Variants in LIPH observed in about 807,000 individuals in gnomAD.
LIPH encodes the protein lipase member H.
A neutral mutation model predicts 47.6 loss-of-function variants in LIPH; 32 were observed. The observed-to-expected ratio is 0.67, with a 90% CI of 0.51 to 0.90. LIPH has a LOEUF of 0.90. Among genes scored for constraint, LIPH ranks in the 40% least tolerant of loss-of-function variants. LIPH has a pLI of 0.00. For missense variants in LIPH, 497 were observed against 541.4 expected, an observed-to-expected ratio of 0.92 and a Z score of 0.81; for synonymous variants, 190 against 195.6, an observed-to-expected ratio of 0.97 and a Z score of 0.24.
chr3:185,511,752 C>T (rs190557965), intron 8 of LIPH, 55 bp from the exon 9 acceptor site: 1 of 1,325,208 alleles, frequency 7.5e-7, no homozygotes, highest in Non-Finnish European at 1.1e-6. Context: ...TGAGAGAAAG[C>T]AGTTTTGAAG....
chr3:185,546,832 A>T (rs1720887369), intron 1 of LIPH: 1 of 397,418 alleles, frequency 2.5e-6, no homozygotes, highest in South Asian at 1.9e-5. Context: ...AAACAAAAAA[A>T]GCCTGTGCTG....
Position 185,520,430 on chromosome 3 carries a change from T to A in LIPH, c.719-1121A>T, listed in dbSNP as rs542677376. ...TACTTGGGAGGCTGAGGCAGGAGAA[T>A]CGCTTGAACCTGGAAGGCGGAGGTT... is the stretch of plus-strand genomic sequence containing the variant. On this transcript the variant is annotated intron_variant, in intron 5 of 9. Transcript: ENST00000296252. Among the ~76,000 whole-genome samples the A allele has an allele frequency of 7.3e-4, 110 of 151,218 alleles. 2 individuals are homozygous for A. The East Asian group carries it at 0.018, about 25-fold the overall frequency.
In LIPH at chr3:185,533,979, C is replaced by T. The variant is rs571456314; in HGVS notation, c.418-300G>A. On this transcript the variant is annotated intron_variant, in intron 2 of 9. Transcript: ENST00000296252. ...TGGCCCACGCTTGTAATCCCAGCCC[C>T]GTGGGAGGCCGAGGCGGGCAGATCA... 8.5e-5 allele frequency among the ~76,000 whole-genome samples: 13 copies of T among 152,280 alleles called. No homozygotes were observed. The South Asian group carries it at 2.3e-3, about 27-fold the overall frequency.
At chr3:185,551,723 G>T (rs74900006) in intron 1 of LIPH, among the ~76,000 whole-genome samples, 7,299 of 151,978 alleles carry the variant, frequency 0.048, 288 homozygotes, top group East Asian at 0.24. Flanking sequence ...TTTACCCTTT[G>T]CCCTTCAAAA....
chr3:185,548,035 C>G (rs1399987582), intron 1 of LIPH, among the ~76,000 whole-genome samples: 1 of 152,164 alleles, frequency 6.6e-6, no homozygotes, highest in Non-Finnish European at 1.5e-5. Context: ...AGACACTGTT[C>G]TGAAGGAATT....
intron 1 of LIPH, among the ~76,000 whole-genome samples, chr3:185,548,673 G>A (rs1720957797): frequency 1.3e-5 from 2 of 152,118 alleles, no homozygotes; most frequent in Admixed American, 1.3e-4. Flanking sequence ...GCTACAGTGA[G>A]CCAAGATCGT....
chr3:185,517,310 C>A (rs1719758231), intron 6 of LIPH, 148 bp from the exon 7 acceptor site: 1 of 634,168 alleles, frequency 1.6e-6, no homozygotes, highest in Non-Finnish European at 2.8e-6. Flanking sequence ...TGAGGGCCTG[C>A]AGGGTGACCC....
rs983959137 is a variant in LIPH at position 185,524,279 on chromosome 3, A to G, written c.629-119T>C. 4.1e-5 allele frequency: 29 copies of G among 704,018 alleles called. No individual in the cohort carries two copies. In the African/African-American group the frequency reaches 4.8e-4, roughly 12 times the overall value. The allele number at this position is 704,018 out of a possible 1,614,324, so 43.6% of individuals were successfully genotyped here. A position where few individuals can be genotyped will look rare whatever the true frequency, so the allele number is the denominator to read the frequency against. On this transcript the variant is annotated intron_variant, in intron 4 of 9. Coordinates refer to ENST00000296252, the MANE Select transcript of LIPH (RefSeq NM_139248.3). Reference sequence around the variant, plus strand: ...TATTGTTGTTTATCATTATTGTTATACCTATGTAAGAGTTTTGCCCAAAGT... The same window carrying G: ...TATTGTTGTTTATCATTATTGTTATGCCTATGTAAGAGTTTTGCCCAAAGT...
chr3:185,511,414 C>G, intron 9 of LIPH, 110 bp downstream of exon 9: 4 of 1,023,590 alleles, frequency 3.9e-6, no homozygotes, highest in Non-Finnish European at 6.2e-6. Context: ...CCATCATGTC[C>G]CTCATTGTGA....
chr3:185,524,676 C>G (rs961268447), intron 4 of LIPH, among the ~76,000 whole-genome samples: 5 of 152,048 alleles, frequency 3.3e-5, no homozygotes, highest in Non-Finnish European at 7.4e-5. Context: ...GTCTTAAACT[C>G]CTGACCTCGC....
chr3:185,537,199 A>G (rs1286970021), intron 1 of LIPH, among the ~76,000 whole-genome samples: 1 of 152,068 alleles, frequency 6.6e-6, no homozygotes, highest in Non-Finnish European at 1.5e-5. Flanking sequence ...CTGCCATTTT[A>G]AATAATTTTT....
At chr3:185,538,177 T>C (rs1720559616) in intron 1 of LIPH, among the ~76,000 whole-genome samples, 1 of 152,206 alleles carries the variant, frequency 6.6e-6, no homozygotes, top group African/African-American at 2.4e-5. Flanking sequence ...ATCGTAAGTA[T>C]TGAGTGAAAT....
chr3:185,535,204 A>G, intron 1 of LIPH, 72 bp from the exon 2 acceptor site: 4 of 1,551,830 alleles, frequency 2.6e-6, no homozygotes, highest in Non-Finnish European at 3.5e-6. Context: ...GTGCTGTTCT[A>G]TATTTGTAGG....
chr3:185,532,611 G>A (rs1457757560), intron 3 of LIPH, among the ~76,000 whole-genome samples: 1 of 152,048 alleles, frequency 6.6e-6, no homozygotes, highest in Non-Finnish European at 1.5e-5. Flanking sequence ...CCAACATGGC[G>A]AAACAATGTC....
chr3:185,549,912 G>T (rs1188996452), intron 1 of LIPH, among the ~76,000 whole-genome samples: 1 of 152,204 alleles, frequency 6.6e-6, no homozygotes, highest in African/African-American at 2.4e-5. Context: ...GATCTACTAA[G>T]TTTGGATTTT....
intron 6 of LIPH, 98 bp downstream of exon 6, chr3:185,519,044 A>G (rs1221450911): frequency 3.8e-6 from 4 of 1,059,808 alleles, no homozygotes; most frequent in Non-Finnish European, 4.4e-6. Flanking sequence ...TTTTTAATAC[A>G]ATTATGGGGC....
At position 185,519,244 on chromosome 3, in the gene LIPH, T is replaced by C; in HGVS notation, c.784A>G (p.Ser262Gly). ...VYLYLSSLRE[S>G]CTITAYPCDS... ...CAGGGATACGCAGTGATGGTGCAGCTCTCTCTCAGGGAAGACAGGTACAGG... is the reference window on the plus strand; with the variant it reads ...CAGGGATACGCAGTGATGGTGCAGCCCTCTCTCAGGGAAGACAGGTACAGG... The change falls in exon 6 of 10, where the codon AGC becomes GGC. Residue 262 changes from serine to glycine, a missense_variant. Coordinates refer to ENST00000296252, the MANE Select transcript of LIPH (RefSeq NM_139248.3). 1 of 1,612,126 alleles carries C rather than the reference T, an allele frequency of 6.2e-7. No homozygotes were observed. Among genetic ancestry groups the C allele is most frequent in the Non-Finnish European group, 8.5e-7 (1 of 1,178,244 alleles).
At position 185,546,057 on chromosome 3, in the gene LIPH, T is replaced by A. The variant is rs150426999; in HGVS notation, c.49+6366A>T. Among the ~76,000 whole-genome samples the A allele has an allele frequency of 5.8e-3, 874 of 151,866 alleles. 6 individuals carry two copies. Among genetic ancestry groups the A allele is most frequent in the African/African-American group, 0.02 (817 of 41,432 alleles). On this transcript the variant is annotated intron_variant, in intron 1 of 9. Transcript: ENST00000296252. ...GGCACATGCCTGTAATCCCAGCTAC[T>A]TGGGAGGCTGAGGCAGGAGGATTTC...
intron 2 of LIPH, among the ~76,000 whole-genome samples, 162 bp from the exon 3 acceptor site, chr3:185,533,841 T>C (rs1720416609): frequency 6.6e-6 from 1 of 152,218 alleles, no homozygotes; most frequent in African/African-American, 2.4e-5. Context: ...ATACTATTCT[T>C]TTGATTATGC....
Sources: allele counts gnomAD v4.1 joint callset (sites outside exome capture counted in the v4.1 genomes callset), GRCh38; gene constraint gnomAD v4.1.1; transcripts MANE v1.5; gene names NCBI Gene and HGNC (gene_info 2026-07-23, HGNC 2026-07-21).